The following METTL22 variants were observed in gnomAD, a reference collection of about 807,000 sequenced individuals.
METTL22 encodes methyltransferase-like protein 22.
Under a neutral mutation model 48.4 loss-of-function variants are expected in METTL22, and 51 were observed. That is an observed-to-expected ratio of 1.05 (90% confidence interval 0.84 to 1.33). The LOEUF is 1.33. Among genes scored for constraint, METTL22 ranks in the 40% most tolerant of loss-of-function variants. The probability of loss-of-function intolerance (pLI) is 0.00; values close to 1 mark genes in which losing one functional copy is unlikely to be tolerated. For missense variants in METTL22, 678 were observed against 526.9 expected (o/e 1.29, Z -2.81); for synonymous variants, 255 against 214.1 (o/e 1.19, Z -1.67).
At chr16:8,657,820 C>CTTTTT in the METTL22 span, among the ~76,000 whole-genome samples, 3 of 137,350 alleles carry the variant, frequency 2.2e-5, no homozygotes, top group South Asian at 4.7e-4. Flanking sequence ...CTTTTCTTTT[C>CTTTTT]TTTCTTTTTT....
At chr16:8,623,164 A>C (rs932167666) in intron 1 of METTL22, among the ~76,000 whole-genome samples, 1 of 152,042 alleles carries the variant, frequency 6.6e-6, no homozygotes. Flanking sequence ...AAATACAAAA[A>C]TTAGGTGGAC....
the METTL22 span, among the ~76,000 whole-genome samples, chr16:8,660,630 A>T: frequency 1.3e-5 from 2 of 151,704 alleles, no homozygotes; most frequent in Non-Finnish European, 2.9e-5. Flanking sequence ...TGACTTTAAG[A>T]TAATTATGTT....
chr16:8,664,527 C>T, the METTL22 span, among the ~76,000 whole-genome samples: 2 of 152,072 alleles, frequency 1.3e-5, no homozygotes, highest in African/African-American at 4.8e-5. Flanking sequence ...TATCACGGCT[C>T]ACTACAGCCT....
At chr16:8,632,096 G>A (rs137952012) in intron 3 of METTL22, 17 of 152,270 alleles carry the variant, frequency 1.1e-4, no homozygotes, top group Admixed American at 3.3e-4. Context: ...TCTGCACTCC[G>A]GAGTCGAGGA....
chr16:8,651,386 C>CAAAAAAAAAAAAAAAA (rs768911703), downstream of METTL22, among the ~76,000 whole-genome samples: 29 of 49,024 alleles, frequency 5.9e-4, 2 homozygotes, highest in African/African-American at 1.9e-3. Context: ...GACTCTGTCT[C>CAAAAAAAAAAAAAAAA]AAAAAAAAAA....
In METTL22 at chr16:8,639,479, A is replaced by G. The variant is rs781562079; in HGVS notation, c.772+317A>G. 58 of 379,098 alleles carry G rather than the reference A, an allele frequency of 1.5e-4. 1 individual carries two copies. Among genetic ancestry groups the G allele is most frequent in the Non-Finnish European group, 2.7e-4 (55 of 202,740 alleles). The allele number at this position is 379,098 out of a possible 1,614,324, so 23.5% of individuals were successfully genotyped here. A position where few individuals can be genotyped will look rare whatever the true frequency, so the allele number is the denominator to read the frequency against. ...CAAGATGTCCTCATGAAACATCCAG[A>G]GTGCCCTTTCTCAGATGCAAGCCAG... On this transcript the variant is annotated intron_variant, in intron 6 of 10. Coordinates refer to ENST00000381920, the MANE Select transcript of METTL22 (RefSeq NM_024109.4).
chr16:8,662,399 G>A, the METTL22 span, among the ~76,000 whole-genome samples: 1 of 145,152 alleles, frequency 6.9e-6, no homozygotes, highest in African/African-American at 2.6e-5. Context: ...CTTATGCTGT[G>A]CCATTGTCTT....
downstream of METTL22, among the ~76,000 whole-genome samples, chr16:8,652,949 T>C (rs962612479): frequency 2.6e-5 from 4 of 152,200 alleles, no homozygotes; most frequent in Non-Finnish European, 5.9e-5. Flanking sequence ...GTGTTTCCTG[T>C]CTGAGCCTTC....
At chr16:8,659,874 G>C in the METTL22 span, among the ~76,000 whole-genome samples, 8 of 151,738 alleles carry the variant, frequency 5.3e-5, no homozygotes, top group Admixed American at 2.6e-4. Flanking sequence ...ACAGGCACAA[G>C]TCACCATACC....
chr16:8,651,564 T>A (rs538714782), downstream of METTL22, among the ~76,000 whole-genome samples: 47 of 152,138 alleles, frequency 3.1e-4, no homozygotes, highest in African/African-American at 1.0e-3. Context: ...TTGTCTCACA[T>A]CATCACCTGC....
the METTL22 span, among the ~76,000 whole-genome samples, chr16:8,661,822 T>G: frequency 1.4e-5 from 2 of 144,194 alleles, no homozygotes; most frequent in Non-Finnish European, 1.5e-5. Flanking sequence ...ATCCTCCCAC[T>G]TTGGCCTCTC....
At chr16:8,639,499 A>G in intron 6 of METTL22, 1 of 340,178 alleles carries the variant, frequency 2.9e-6, no homozygotes, top group Non-Finnish European at 5.6e-6. Flanking sequence ...CTCAGATGCA[A>G]GCCAGTCCAC....
chr16:8,659,756 C>G, the METTL22 span, among the ~76,000 whole-genome samples: 2 of 151,646 alleles, frequency 1.3e-5, no homozygotes, highest in African/African-American at 2.4e-5. Context: ...CAGCGTCTTA[C>G]CTTGTTACCC....
rs951851170 is a variant in METTL22, at chr16:8,646,381, T to C, written c.*238T>C. ...AGTTGCCTGTTTCTCATGGTTGTGA[T>C]GTGTGCTCCAGGGTCAAGCCGAGCC... is the stretch of plus-strand genomic sequence containing the variant. On this transcript the variant is annotated 3_prime_UTR_variant, in exon 11 of 11. Transcript: ENST00000381920. 1.1e-4 allele frequency: 77 copies of C among 695,528 alleles called. No homozygotes were observed. The highest frequency in any genetic ancestry group is 3.4e-4 in the Admixed American group (17 of 49,614). 43.1% of individuals were successfully genotyped at this position (695,528 alleles called of 1,614,324 possible). A position where few individuals can be genotyped will look rare whatever the true frequency, so the allele number is the denominator to read the frequency against.
chr16:8,641,193 T>G lies in METTL22; in HGVS notation c.826+9T>G. 6.2e-7 allele frequency: 1 copy of G among 1,613,770 alleles called. No individual in the cohort carries two copies. Among genetic ancestry groups the G allele is most frequent in the South Asian group, 1.1e-5 (1 of 91,070 alleles). ...GGACGACCTCTGCACAGGTGTGTGT[T>G]TCTCTCGGACGTCCCCCAGTATGAT... On this transcript the variant is annotated intron_variant, in intron 7 of 10. Coordinates refer to ENST00000381920, the MANE Select transcript of METTL22 (RefSeq NM_024109.4).
At chr16:8,645,990 T>TACTCCGTG in intron 10 of METTL22, 118 bp from the exon 11 acceptor site, 1 of 1,511,996 alleles carries the variant, frequency 6.6e-7, no homozygotes, top group Non-Finnish European at 8.8e-7. Context: ...CCAGCTCGCC[T>TACTCCGTG]GCTCCGTGGC....
chr16:8,659,643 A>G, the METTL22 span, among the ~76,000 whole-genome samples: 1 of 152,208 alleles, frequency 6.6e-6, no homozygotes, highest in African/African-American at 2.4e-5. Flanking sequence ...AAGTGAGGCA[A>G]AAAGGTGACT....
At chr16:8,639,234 C>T (rs759159769) in intron 6 of METTL22, 72 bp downstream of exon 6, 13 of 1,462,800 alleles carry the variant, frequency 8.9e-6, no homozygotes, top group Admixed American at 1.7e-5. Flanking sequence ...CACCCAAGAC[C>T]ATGACATTGG....
chr16:8,664,390 C>T, the METTL22 span, among the ~76,000 whole-genome samples: 7 of 152,104 alleles, frequency 4.6e-5, no homozygotes, highest in African/African-American at 9.7e-5. Flanking sequence ...AGGTGATCCA[C>T]CTGCCCCAGC....
Sources: gnomAD v4.1 joint callset for allele counts (sites outside exome capture counted in the v4.1 genomes callset) on GRCh38, gnomAD v4.1.1 for gene constraint, MANE v1.5 for transcripts, NCBI Gene and HGNC (gene_info 2026-07-23, HGNC 2026-07-21) for gene names.